KIF26B: variants seen among roughly 807,000 people sequenced by gnomAD.
KIF26B encodes kinesin-like protein KIF26B.
A neutral mutation model predicts 151.2 loss-of-function variants in KIF26B; 63 were observed. That is an observed-to-expected ratio of 0.42 (90% CI 0.34 to 0.51). KIF26B has a LOEUF of 0.51. Among genes scored for constraint, KIF26B ranks in the 20% least tolerant of loss-of-function variants. KIF26B has a pLI of 0.07. For missense variants in KIF26B, 2,813 were observed against 2,913.6 expected, an observed-to-expected ratio of 0.97 and a Z score of 0.79; for synonymous variants, 1,357 against 1,262.1, an observed-to-expected ratio of 1.08 and a Z score of -1.59.
chr1:245,502,304 A>G (rs540546936), intron 4 of KIF26B, among the ~76,000 whole-genome samples: 11 of 152,240 alleles, frequency 7.2e-5, no homozygotes, highest in African/African-American at 2.6e-4. Context: ...CGAGGTGGGC[A>G]GATCATGAGG....
At chr1:245,310,652 C>T (rs563833934) in intron 2 of KIF26B, among the ~76,000 whole-genome samples, 19 of 152,294 alleles carry the variant, frequency 1.2e-4, no homozygotes, top group African/African-American at 2.4e-4. Context: ...CTTTTGCACT[C>T]GAAGGCTTTG....
chr1:245,643,309 T>G (rs997422379), intron 9 of KIF26B, among the ~76,000 whole-genome samples: 2 of 152,202 alleles, frequency 1.3e-5, no homozygotes, highest in African/African-American at 4.8e-5. Flanking sequence ...TTGCTTTCTT[T>G]TGGATTTATG....
intron 4 of KIF26B, among the ~76,000 whole-genome samples, chr1:245,524,762 A>C (rs1192326222): frequency 6.6e-6 from 1 of 152,020 alleles, no homozygotes; most frequent in South Asian, 2.1e-4. Flanking sequence ...TTTTTCTTTC[A>C]TAGTTTAATT....
chr1:245,366,392 C>T (rs1672953002), intron 2 of KIF26B, among the ~76,000 whole-genome samples: 1 of 151,818 alleles, frequency 6.6e-6, no homozygotes, highest in Non-Finnish European at 1.5e-5. Flanking sequence ...ATTAGCTGGG[C>T]GTGGTGGTGG....
chr1:245,409,099 C>T (rs919806882), intron 3 of KIF26B, among the ~76,000 whole-genome samples: 2 of 152,214 alleles, frequency 1.3e-5, no homozygotes, highest in African/African-American at 2.4e-5. Context: ...GAAAACACCC[C>T]CCAAAACATC....
chr1:245,259,238 T>C (rs969147574), intron 2 of KIF26B, among the ~76,000 whole-genome samples: 3 of 152,248 alleles, frequency 2.0e-5, no homozygotes, highest in African/African-American at 7.2e-5. Context: ...TGTACATTTG[T>C]TGGAGCTTAG....
At chr1:245,653,399 G>A (rs1329593220) in intron 10 of KIF26B, among the ~76,000 whole-genome samples, 2 of 152,182 alleles carry the variant, frequency 1.3e-5, no homozygotes, top group African/African-American at 2.4e-5. Flanking sequence ...TAGTTAGCAC[G>A]GTGCATAAAT....
In KIF26B at chr1:245,175,135, G is replaced by T. The variant is rs556273717; in HGVS notation, c.465+18452G>T. Among the ~76,000 whole-genome samples, 5 of 152,246 alleles carry T rather than the reference G, an allele frequency of 3.3e-5. No individual in the cohort carries two copies. In the East Asian group the frequency reaches 9.6e-4, roughly 29 times the overall value. ...GCTAGAACAGTGGCTTTTGTCTTTA[G>T]CAAGGCCATTAGATGGTACAGTAAC... is the stretch of plus-strand genomic sequence containing the variant. On this transcript the variant is annotated intron_variant, in intron 2 of 14. Transcript: ENST00000407071.
At chr1:245,159,721 C>T (rs1668503501) in intron 2 of KIF26B, among the ~76,000 whole-genome samples, 3 of 152,292 alleles carry the variant, frequency 2.0e-5, no homozygotes, top group Middle Eastern at 3.4e-3. Flanking sequence ...TTGAATCCCC[C>T]GTTCTGTCTT....
chr1:245,354,303 G>A (rs542865841), intron 2 of KIF26B, among the ~76,000 whole-genome samples: 1 of 152,018 alleles, frequency 6.6e-6, no homozygotes, highest in Non-Finnish European at 1.5e-5. Context: ...ATGTAAATCC[G>A]GCCAGAGGCT....
At position 245,688,344 on chromosome 1, in the gene KIF26B, CAGCAGGAACAGG is replaced by C; in HGVS notation, c.5365_5376del (p.Arg1789_Ser1792del). ...ACACGCCCTGGTCCACGCAGTCCCT[CAGCAGGAACAGG>C]AGCTCGGGCCTGGCCTCCAAGCTTC... On this transcript the variant is annotated inframe_deletion, in exon 12 of 15. Transcript: ENST00000407071. The C allele has an allele frequency of 6.3e-7, 1 of 1,582,648 alleles. No homozygotes were observed. Among genetic ancestry groups the C allele is most frequent in the Non-Finnish European group, 8.5e-7 (1 of 1,172,730 alleles).
intron 3 of KIF26B, among the ~76,000 whole-genome samples, chr1:245,398,447 C>A (rs1289106612): frequency 6.6e-6 from 1 of 152,104 alleles, no homozygotes; most frequent in African/African-American, 2.4e-5. Context: ...GGCAGAGACT[C>A]CTCCTGTATG....
At position 245,635,925 on chromosome 1, in the gene KIF26B, G is replaced by A. The variant is rs145488167; in HGVS notation, c.2099-10196G>A. On this transcript the variant is annotated intron_variant, in intron 9 of 14. Transcript: ENST00000407071. ...CAAGTTGTGGAGTTTCAGAATATTT[G>A]GAGGTTTTTCAGATATTGTTCTACA... Among the ~76,000 whole-genome samples the A allele has an allele frequency of 9.7e-3, 1,474 of 152,180 alleles. 11 individuals carry two copies. The highest frequency in any genetic ancestry group is 0.015 in the Non-Finnish European group (1,053 of 67,968).
chr1:245,519,636 G>A (rs1428415669), intron 4 of KIF26B, among the ~76,000 whole-genome samples: 1 of 152,056 alleles, frequency 6.6e-6, no homozygotes, highest in African/African-American at 2.4e-5. Context: ...TGAATCATTA[G>A]GTGATTTTGT....
intron 4 of KIF26B, among the ~76,000 whole-genome samples, chr1:245,489,011 A>AG (rs1415384848): frequency 6.6e-6 from 1 of 152,174 alleles, no homozygotes; most frequent in Non-Finnish European, 1.5e-5. Context: ...GGTACTCTAG[A>AG]ATCCCTTACA....
At chr1:245,500,462 A>G (rs956162390) in intron 4 of KIF26B, among the ~76,000 whole-genome samples, 10 of 152,244 alleles carry the variant, frequency 6.6e-5, no homozygotes, top group Non-Finnish European at 1.5e-4. Flanking sequence ...TATAAAATCC[A>G]TAACTCTATA....
Position 245,366,782 on chromosome 1 carries a change from A to G in KIF26B, c.466-52A>G, listed in dbSNP as rs1042426533. ...GTAAGCCAGGTATCTGACTTGCACT[A>G]GCAGCCTTGGAGTTATAGAATCTCC... On this transcript the variant is annotated intron_variant, in intron 2 of 14. Transcript: ENST00000407071. 5 of 1,569,294 alleles carry G rather than the reference A, an allele frequency of 3.2e-6. No homozygotes were observed. In the African/African-American group the frequency reaches 6.7e-5, roughly 21 times the overall value.
intron 9 of KIF26B, among the ~76,000 whole-genome samples, chr1:245,619,082 G>A (rs1395819363): frequency 1.4e-5 from 2 of 143,090 alleles, no homozygotes; most frequent in African/African-American, 5.2e-5. Flanking sequence ...TAGACTATAG[G>A]TTCCTTGAGA....
intron 2 of KIF26B, among the ~76,000 whole-genome samples, chr1:245,268,513 AAT>A (rs1670792126): frequency 2.8e-5 from 2 of 70,250 alleles, no homozygotes; most frequent in South Asian, 9.5e-4. Flanking sequence ...TAATAATAAT[AAT>A]AAAGTTTTTT....
Sources: gnomAD v4.1 joint callset for allele counts (sites outside exome capture counted in the v4.1 genomes callset) on GRCh38, gnomAD v4.1.1 for gene constraint, MANE v1.5 for transcripts, NCBI Gene and HGNC (gene_info 2026-07-23, HGNC 2026-07-21) for gene names.